The following CHCHD3 variants were observed in gnomAD, a reference collection of about 807,000 sequenced individuals.
The protein encoded by CHCHD3 is coiled-coil-helix-coiled-coil-helix domain containing 3, also known as MICOS complex subunit MIC19.
Under a neutral mutation model 38.2 loss-of-function variants are expected in CHCHD3, and 20 were observed. That is an observed-to-expected ratio of 0.52 (90% confidence interval 0.37 to 0.76). The LOEUF (loss-of-function observed/expected upper bound fraction) is 0.76. CHCHD3 is among the 30% of genes least tolerant of loss of function. The probability of loss-of-function intolerance (pLI) is 0.00; values close to 1 mark genes in which losing one functional copy is unlikely to be tolerated. For missense variants in CHCHD3, 245 were observed against 279.2 expected (o/e 0.88, Z 0.87); for synonymous variants, 82 against 100.0 (o/e 0.82, Z 1.07).
At chr7:132,984,592 G>A (rs554092730) in intron 3 of CHCHD3, among the ~76,000 whole-genome samples, 226 of 148,542 alleles carry the variant, frequency 1.5e-3, no homozygotes, top group African/African-American at 5.2e-3. Context: ...GTCTCTGCCC[G>A]GCCGCCATCC....
intron 3 of CHCHD3, among the ~76,000 whole-genome samples, chr7:133,014,085 C>T (rs1176028163): frequency 1.3e-5 from 2 of 151,986 alleles, no homozygotes; most frequent in African/African-American, 4.8e-5. Context: ...TGGTTTTAAT[C>T]CAACAACCCC....
intron 7 of CHCHD3, 128 bp downstream of exon 7, chr7:132,796,314 T>C: frequency 1.0e-6 from 1 of 992,790 alleles, no homozygotes. Flanking sequence ...ACAGTAATTC[T>C]TGATGATGAT....
intron 5 of CHCHD3, among the ~76,000 whole-genome samples, chr7:132,844,585 T>C (rs147586905): frequency 1.3e-5 from 2 of 152,362 alleles, no homozygotes; most frequent in African/African-American, 4.8e-5. Flanking sequence ...AAAGGTGTGA[T>C]TTAATAATTT....
At chr7:132,995,020 T>C (rs1812378055) in intron 3 of CHCHD3, among the ~76,000 whole-genome samples, 1 of 152,198 alleles carries the variant, frequency 6.6e-6, no homozygotes, top group African/African-American at 2.4e-5. Flanking sequence ...GTATTCCCTA[T>C]GAAATCACAC....
At chr7:132,797,469 T>C (rs1806648559) in intron 6 of CHCHD3, among the ~76,000 whole-genome samples, 1 of 152,206 alleles carries the variant, frequency 6.6e-6, no homozygotes, top group Non-Finnish European at 1.5e-5. Context: ...GCCATGCATG[T>C]GACACTGACT....
intron 4 of CHCHD3, among the ~76,000 whole-genome samples, chr7:132,898,427 C>T (rs1809565938): frequency 6.6e-6 from 1 of 152,172 alleles, no homozygotes; most frequent in Non-Finnish European, 1.5e-5. Context: ...CAAAGGTTCT[C>T]CAAGGCCCCA....
chr7:132,945,393 A>G (rs1211907174), intron 4 of CHCHD3, among the ~76,000 whole-genome samples: 3 of 152,002 alleles, frequency 2.0e-5, no homozygotes, highest in African/African-American at 7.2e-5. Context: ...AATGGATGAG[A>G]TTTCTTTAAT....
At chr7:132,868,710 AC>A (rs1259494351) in intron 5 of CHCHD3, among the ~76,000 whole-genome samples, 1 of 152,114 alleles carries the variant, frequency 6.6e-6, no homozygotes, top group African/African-American at 2.4e-5. Flanking sequence ...CAAAGCCAAG[AC>A]CCCAGAATTG....
chr7:133,055,926 C>T (rs1165932700), intron 2 of CHCHD3, among the ~76,000 whole-genome samples: 1 of 152,042 alleles, frequency 6.6e-6, no homozygotes, highest in African/African-American at 2.4e-5. Context: ...AGAAGAATCA[C>T]TTCAGCCCAA....
At chr7:132,993,400 G>T (rs1430891804) in intron 3 of CHCHD3, among the ~76,000 whole-genome samples, 3 of 152,124 alleles carry the variant, frequency 2.0e-5, no homozygotes, top group Non-Finnish European at 4.4e-5. Context: ...AAAATTGAGG[G>T]TGTATTAAAA....
chr7:132,800,479 A>C (rs1275283436), intron 6 of CHCHD3, among the ~76,000 whole-genome samples: 6 of 152,146 alleles, frequency 3.9e-5, no homozygotes, highest in Admixed American at 3.9e-4. Flanking sequence ...TGAGCTTTAC[A>C]TTTCAAGAAA....
intron 2 of CHCHD3, among the ~76,000 whole-genome samples, chr7:133,045,471 G>A (rs941604316): frequency 1.3e-5 from 2 of 152,142 alleles, no homozygotes; most frequent in African/African-American, 2.4e-5. Context: ...TTGCCCAGAA[G>A]AAGCTGAAAT....
intron 2 of CHCHD3, among the ~76,000 whole-genome samples, chr7:133,059,671 G>A (rs1814443517): frequency 6.6e-6 from 1 of 152,224 alleles, no homozygotes; most frequent in South Asian, 2.1e-4. Context: ...CTTCCAAAAG[G>A]GCTTCCTTGG....
chr7:133,081,785 C>G, intron 1 of CHCHD3, 72 bp downstream of exon 1: 1 of 1,456,176 alleles, frequency 6.9e-7, no homozygotes, highest in Admixed American at 2.0e-5. Context: ...CCAGGCTGAG[C>G]GGGTCCGGAG....
rs1384556557 is a variant in CHCHD3, at chr7:132,826,987, CCTCT to C, written c.524+11408_524+11411del. ...AAATGAAATACAAGCAAGATTTATC[CCTCT>C]CTATTTCTACAGTAATAAAATACTC... is the stretch of plus-strand genomic sequence containing the variant. On this transcript the variant is annotated intron_variant, in intron 6 of 7. Transcript: ENST00000262570. Among the ~76,000 whole-genome samples the C allele has an allele frequency of 3.3e-5, 5 of 152,008 alleles. No individual in the cohort carries two copies. In the South Asian group the frequency reaches 6.2e-4, roughly 19 times the overall value.
chr7:133,040,380 C>T (rs1164130232), intron 2 of CHCHD3, among the ~76,000 whole-genome samples: 1 of 152,122 alleles, frequency 6.6e-6, no homozygotes, highest in Non-Finnish European at 1.5e-5. Flanking sequence ...CCTTTCTCTT[C>T]CCGCATGCAG....
intron 2 of CHCHD3, 21 bp downstream of exon 2, chr7:133,070,121 A>T (rs761904698): frequency 6.9e-6 from 11 of 1,585,904 alleles, no homozygotes; most frequent in Non-Finnish European, 9.4e-6. Context: ...TAAAAACCCT[A>T]AAATTAAAAT....
At chr7:132,817,632 TA>T (rs1188559387) in intron 6 of CHCHD3, among the ~76,000 whole-genome samples, 1 of 152,078 alleles carries the variant, frequency 6.6e-6, no homozygotes, top group Non-Finnish European at 1.5e-5. Flanking sequence ...AGCCAACAGG[TA>T]ATTACTCGAT....
At chr7:132,996,652 G>A (rs943839301) in intron 3 of CHCHD3, among the ~76,000 whole-genome samples, 1 of 152,156 alleles carries the variant, frequency 6.6e-6, no homozygotes, top group African/African-American at 2.4e-5. Context: ...CCCCCAAATT[G>A]AATCGTTACA....
Sources: gnomAD v4.1 joint callset for allele counts (sites outside exome capture counted in the v4.1 genomes callset) on GRCh38, gnomAD v4.1.1 for gene constraint, MANE v1.5 for transcripts, NCBI Gene and HGNC (gene_info 2026-07-23, HGNC 2026-07-21) for gene names.